Variants in FREM1 observed in about 807,000 individuals in gnomAD.
FREM1 encodes FRAS1 related extracellular matrix 1.
A neutral mutation model predicts 210.1 loss-of-function variants in FREM1; 220 were observed. The ratio of observed to expected loss-of-function variants is 1.05; its 90% CI spans 0.94 to 1.17. FREM1 has a LOEUF of 1.17. Among genes scored for constraint, FREM1 ranks in the 50% most tolerant of loss-of-function variants. FREM1 has a pLI of 0.00. For missense variants in FREM1, 3,454 were observed against 2,675.5 expected (o/e 1.29, Z -6.42); for synonymous variants, 1,189 against 980.2 (o/e 1.21, Z -3.98).
intron 29 of FREM1, among the ~76,000 whole-genome samples, chr9:14,753,176 C>G (rs546276588): frequency 2.0e-4 from 30 of 152,158 alleles, no homozygotes; most frequent in Non-Finnish European, 4.0e-4. Context: ...TCCCACAAAA[C>G]AAAAGGTGCT....
In FREM1 at chr9:14,868,626, T is replaced by C. The variant is rs576893573; in HGVS notation, c.234+118A>G. On this transcript the variant is annotated intron_variant, in intron 2 of 36. Transcript: ENST00000380880. ...CATTTCAAATGTGAACATCTTCTAA[T>C]ACTCGTCTTTGATGGCTTGAGGGGA... 130 of 683,652 alleles carry C rather than the reference T, an allele frequency of 1.9e-4. No individual in the cohort carries two copies. The African/African-American group carries it at 2.0e-3, about 10-fold the overall frequency. 42.3% of individuals were successfully genotyped at this position (683,652 alleles called of 1,614,324 possible).
intron 12 of FREM1, 64 bp downstream of exon 12, chr9:14,823,961 C>T (rs2130814395): frequency 1.1e-6 from 1 of 913,748 alleles, no homozygotes; most frequent in Admixed American, 2.4e-5. Flanking sequence ...CAATACTAGG[C>T]ATGCCATACC....
chr9:14,801,717 T>G lies in FREM1; in HGVS notation c.3629A>C (p.Gln1210Pro). The part of the protein sequence containing the change: ...GFSKDFSENK[Q>P]PANPHQKHAP... ...ATGTTTCTGGTGAGGGTTGGCTGGC[T>G]GCTTATTCTCAGAGAAGTCTTTGCT... Residue 1210 changes from glutamine to proline, a missense_variant, in exon 20 of 37, where the codon CAG becomes CCG. Coordinates refer to ENST00000380880, the MANE Select transcript of FREM1 (RefSeq NM_001379081.2). 1.2e-6 allele frequency: 2 copies of G among 1,614,012 alleles called. No individual in the cohort carries two copies. The highest frequency in any genetic ancestry group is 1.7e-6 in the Non-Finnish European group (2 of 1,179,886).
At position 14,750,217 on chromosome 9, in the gene FREM1, C is replaced by G; in HGVS notation, c.5467G>C (p.Glu1823Gln). The change falls in exon 30 of 37, where the codon GAG becomes CAG. Residue 1823 changes from glutamate to glutamine, a missense_variant. By Grantham distance (29) the Glu-to-Gln change is conservative. Coordinates refer to ENST00000380880, the MANE Select transcript of FREM1 (RefSeq NM_001379081.2). ...ITYDGLEEDD[E>Q]VFEVILNSPV... ...GAGTTCAGAATTACTTCAAAGACCT[C>G]ATCATCTTCCTCTAATCCGTCATAG... The G allele has an allele frequency of 6.2e-7, 1 of 1,613,314 alleles. No homozygotes were observed. Among genetic ancestry groups the G allele is most frequent in the Non-Finnish European group, 8.5e-7 (1 of 1,179,304 alleles).
At position 14,806,796 on chromosome 9, in the gene FREM1, G is replaced by T. The variant is rs772388192; in HGVS notation, c.3139C>A (p.His1047Asn). The T allele has an allele frequency of 1.9e-6, 3 of 1,608,022 alleles. No homozygotes were observed. The highest frequency in any genetic ancestry group is 2.2e-5 in the East Asian group (1 of 44,842). ...GTGTCAGGGTCAGTGGCGGACAAAT[G>T]GTTAACAGTAAGGGCTGTTGAGCAG... ...EGCSTALTVNHLSATDPDTAA... is the reference protein window; with the variant it reads ...EGCSTALTVNNLSATDPDTAA... Residue 1047 changes from histidine (H) to asparagine (N), a missense_variant, in exon 18 of 37, where the codon CAT (histidine) becomes AAT (asparagine). Physicochemically the swap from His to Asn is moderately conservative, Grantham distance 68. Transcript: ENST00000380880.
intron 20 of FREM1, among the ~76,000 whole-genome samples, chr9:14,798,518 G>C (rs931179114): frequency 6.6e-6 from 1 of 152,120 alleles, no homozygotes; most frequent in African/African-American, 2.4e-5. Context: ...CTCAGGCAGG[G>C]AGGAATGCTT....
rs537814638 is a variant in FREM1, at chr9:14,738,750, C to G, written c.6341-1155G>C. Among the ~76,000 whole-genome samples, 173 of 152,218 alleles carry G rather than the reference C, an allele frequency of 1.1e-3. 1 individual carries two copies. Among genetic ancestry groups the G allele is most frequent in the African/African-American group, 4.0e-3 (166 of 41,544 alleles). ...TTTGGCCGGGTGCGGTGGCTCATGCCTGCAATTCCAGCATTTTGGGAGACC... is the reference window on the plus strand; with the variant it reads ...TTTGGCCGGGTGCGGTGGCTCATGCGTGCAATTCCAGCATTTTGGGAGACC... On this transcript the variant is annotated intron_variant, in intron 36 of 36. Transcript: ENST00000380880.
chr9:14,843,366 G>C (rs1217418840), intron 8 of FREM1, among the ~76,000 whole-genome samples: 1 of 152,136 alleles, frequency 6.6e-6, no homozygotes, highest in Non-Finnish European at 1.5e-5. Context: ...AGCTTCCCTG[G>C]TTCTCGGGCC....
At chr9:14,814,844 T>G (rs1280921689) in intron 15 of FREM1, among the ~76,000 whole-genome samples, 4 of 152,204 alleles carry the variant, frequency 2.6e-5, no homozygotes, top group African/African-American at 9.6e-5. Context: ...GTTTGGCTTT[T>G]AAAGACCATC....
At position 14,863,802 on chromosome 9, in the gene FREM1, C is replaced by A. The variant is rs180917208; in HGVS notation, c.329+7G>T. 1 of 1,582,764 alleles carries A rather than the reference C, an allele frequency of 6.3e-7. No homozygotes were observed. Among genetic ancestry groups the A allele is most frequent in the South Asian group, 1.1e-5 (1 of 90,230 alleles). On this transcript the variant is annotated splice_region_variant and intron_variant, in intron 3 of 36. Transcript: ENST00000380880. ...CAGCAAATGAGCGATGTTCCCGTGC[C>A]GCTTACCTGTAAAGTCTGAGCTTCA...
intron 8 of FREM1, among the ~76,000 whole-genome samples, chr9:14,843,343 G>A (rs1826012074): frequency 6.6e-6 from 1 of 152,092 alleles, no homozygotes; most frequent in Non-Finnish European, 1.5e-5. Context: ...GCTTTGGACT[G>A]GGTTACACCA....
intron 1 of FREM1, among the ~76,000 whole-genome samples, chr9:14,870,728 T>C (rs1178554034): frequency 3.3e-5 from 5 of 151,846 alleles, no homozygotes; most frequent in Non-Finnish European, 7.4e-5. Context: ...TATGTAGACA[T>C]GTGCCATGCT....
rs774638014 is a variant in FREM1 at position 14,783,568 on chromosome 9, G to A, written c.4442+802C>T. On this transcript the variant is annotated intron_variant, in intron 24 of 36. Coordinates refer to ENST00000380880, the MANE Select transcript of FREM1 (RefSeq NM_001379081.2). The stretch of plus-strand genomic sequence containing the variant: ...CCAACATTTCCCAGTTCTCATGCCC[G>A]GCCTGGGGATCTGTGTTTCTCTCCA... Among the ~76,000 whole-genome samples, 39 of 152,262 alleles carry A rather than the reference G, an allele frequency of 2.6e-4. 1 individual carries two copies. The highest frequency in any genetic ancestry group is 8.4e-4 in the African/African-American group (35 of 41,546).
chr9:14,806,402 T>C (rs1255123205), intron 18 of FREM1, among the ~76,000 whole-genome samples: 2 of 152,062 alleles, frequency 1.3e-5, no homozygotes, highest in Admixed American at 1.3e-4. Context: ...ATTACAGGCA[T>C]ATGCCACCAC....
intron 1 of FREM1, among the ~76,000 whole-genome samples, chr9:14,880,721 A>G (rs1834645674): frequency 6.6e-6 from 1 of 152,166 alleles, no homozygotes; most frequent in Non-Finnish European, 1.5e-5. Flanking sequence ...CTTTTTAAAT[A>G]TATGTAGATA....
rs71323913 is a variant in FREM1, at chr9:14,882,912, C to CAAAAAAAAAAAAAAAAAA, written c.-267-13669_-267-13668insTTTTTTTTTTTTTTTTTT. ...AGGGCAGCAGAGCGAGACTCCATCT[C>CAAAAAAAAAAAAAAAAAA]AAAAAAAAAAAAAAAAGGAATCACC... On this transcript the variant is annotated intron_variant, in intron 1 of 36. Transcript: ENST00000380880. Among the ~76,000 whole-genome samples the CAAAAAAAAAAAAAAAAAA allele has an allele frequency of 8.8e-3, 399 of 45,372 alleles. 100 individuals carry two copies. The highest frequency in any genetic ancestry group is 0.019 in the African/African-American group (204 of 10,762). 29.8% of individuals were successfully genotyped at this position (45,372 alleles called of 152,430 possible).
At chr9:14,788,768 G>T in intron 23 of FREM1, 151 bp downstream of exon 23, 1 of 658,028 alleles carries the variant, frequency 1.5e-6, no homozygotes. Flanking sequence ...AGAAGCCAAA[G>T]GATCTAAACA....
At position 14,874,946 on chromosome 9, in the gene FREM1, T is replaced by A. The variant is rs542812021; in HGVS notation, c.-267-5702A>T. Among the ~76,000 whole-genome samples the A allele has an allele frequency of 5.9e-5, 9 of 152,324 alleles. No homozygotes were observed. In the East Asian group the frequency reaches 1.5e-3, roughly 26 times the overall value. Reference sequence around the variant, plus strand: ...TTATGATGCTTAGTTTGGCTGGATATGAAATTCTGGGTTGAAAATTCTTTT... The same window carrying A: ...TTATGATGCTTAGTTTGGCTGGATAAGAAATTCTGGGTTGAAAATTCTTTT... On this transcript the variant is annotated intron_variant, in intron 1 of 36. Coordinates refer to ENST00000380880, the MANE Select transcript of FREM1 (RefSeq NM_001379081.2).
chr9:14,737,643 C>G, intron 36 of FREM1, 48 bp from the exon 37 acceptor site: 1 of 1,367,196 alleles, frequency 7.3e-7, no homozygotes, highest in Non-Finnish European at 9.7e-7. Flanking sequence ...TGCGTTTATA[C>G]TTAGATATCA....
Sources: gnomAD v4.1 joint callset for allele counts (sites outside exome capture counted in the v4.1 genomes callset) on GRCh38, gnomAD v4.1.1 for gene constraint, MANE v1.5 for transcripts, NCBI Gene and HGNC (gene_info 2026-07-23, HGNC 2026-07-21) for gene names.